LAPTM4A: variants seen among roughly 807,000 people sequenced by gnomAD.
The protein encoded by LAPTM4A is lysosomal-associated transmembrane protein 4A.
In LAPTM4A, 19 loss-of-function variants were observed where a neutral mutation model predicts 29.9. That is an observed-to-expected ratio of 0.64 (90% CI 0.44 to 0.93). LAPTM4A has a LOEUF of 0.93. Ranked by LOEUF, LAPTM4A falls within the 40% of genes least tolerant of loss-of-function variation. The pLI is 0.00. For synonymous variants in LAPTM4A, 105 were observed against 102.1 expected, an observed-to-expected ratio of 1.03 and a Z score of -0.17; for missense variants, 293 against 288.5, an observed-to-expected ratio of 1.02 and a Z score of -0.11.
intron 1 of LAPTM4A, among the ~76,000 whole-genome samples, chr2:20,044,974 C>T (rs911944710): frequency 5.3e-5 from 8 of 152,122 alleles, no homozygotes; most frequent in African/African-American, 1.4e-4. Context: ...GAACTCCTGG[C>T]CTCAAGTGAT....
intron 1 of LAPTM4A, 139 bp from the exon 2 acceptor site, chr2:20,041,150 A>T: frequency 1.5e-6 from 1 of 657,196 alleles, no homozygotes; most frequent in Admixed American, 3.0e-5. Flanking sequence ...ACTACCTGTG[A>T]GATAAAACAA....
intron 1 of LAPTM4A, among the ~76,000 whole-genome samples, chr2:20,046,892 C>T (rs1673936820): frequency 6.7e-6 from 1 of 148,922 alleles, no homozygotes; most frequent in African/African-American, 2.4e-5. Flanking sequence ...TCCCAAAATG[C>T]TGGGATTACA....
chr2:20,046,221 G>C (rs1039991233), intron 1 of LAPTM4A, among the ~76,000 whole-genome samples: 1 of 152,084 alleles, frequency 6.6e-6, no homozygotes, highest in African/African-American at 2.4e-5. Flanking sequence ...CTGGGGGAGG[G>C]ATAGCATTAG....
rs1165736331 is a variant in LAPTM4A, at chr2:20,037,303, C to A, written c.432+13G>T. ...ATGAAAAAAAAATAAGTTTAATGAGCATACACACTTACTAGTTGATCCAGA... is the reference window on the plus strand; with the variant it reads ...ATGAAAAAAAAATAAGTTTAATGAGAATACACACTTACTAGTTGATCCAGA... On this transcript the variant is annotated intron_variant, in intron 4 of 6. Transcript: ENST00000175091. The A allele has an allele frequency of 6.3e-7, 1 of 1,596,582 alleles. No homozygotes were observed. The highest frequency in any genetic ancestry group is 1.8e-5 in the Admixed American group (1 of 56,230).
chr2:20,050,876 A>T (rs1166987040), intron 1 of LAPTM4A, among the ~76,000 whole-genome samples: 1 of 152,264 alleles, frequency 6.6e-6, no homozygotes, highest in African/African-American at 2.4e-5. Context: ...CAAGAGAGGC[A>T]TGAAACAAAA....
At chr2:20,034,266 G>C (rs368960191) in intron 6 of LAPTM4A, 51 bp downstream of exon 6, 266 of 1,212,572 alleles carry the variant, frequency 2.2e-4, no homozygotes, top group Middle Eastern at 3.7e-4. Flanking sequence ...TCTTCTCCTG[G>C]AACAGTCAAT....
At chr2:20,036,084 A>C (rs187731924) in intron 4 of LAPTM4A, among the ~76,000 whole-genome samples, 24 of 152,186 alleles carry the variant, frequency 1.6e-4, no homozygotes, top group Non-Finnish European at 2.8e-4. Context: ...ATGCTATGCT[A>C]AGGGTTTTAC....
chr2:20,042,989 G>C (rs1224708889), intron 1 of LAPTM4A, among the ~76,000 whole-genome samples: 1 of 152,144 alleles, frequency 6.6e-6, no homozygotes. Flanking sequence ...GCCCAGGCTG[G>C]AGTGCAGTAG....
intron 1 of LAPTM4A, among the ~76,000 whole-genome samples, chr2:20,048,742 C>G (rs938790959): frequency 6.6e-6 from 1 of 152,178 alleles, no homozygotes; most frequent in African/African-American, 2.4e-5. Flanking sequence ...AGTACCTTGA[C>G]AAGGTAGGTA....
intron 1 of LAPTM4A, among the ~76,000 whole-genome samples, chr2:20,042,819 G>T (rs1199059668): frequency 6.6e-6 from 1 of 152,202 alleles, no homozygotes; most frequent in Non-Finnish European, 1.5e-5. Context: ...GAAATCTCAC[G>T]TAGGATTGGA....
chr2:20,041,966 T>C (rs1002104385), intron 1 of LAPTM4A, among the ~76,000 whole-genome samples: 1 of 152,264 alleles, frequency 6.6e-6, no homozygotes, highest in African/African-American at 2.4e-5. Flanking sequence ...GACTAGCATG[T>C]TTCCTAGCTA....
chr2:20,033,394 A>C (rs764403635), intron 6 of LAPTM4A, 115 bp from the exon 7 acceptor site: 21 of 778,924 alleles, frequency 2.7e-5, no homozygotes, highest in Non-Finnish European at 4.4e-5. Flanking sequence ...CATAAAGAAG[A>C]GCTGAAGAAA....
chr2:20,036,130 C>T (rs1020153906), intron 4 of LAPTM4A, among the ~76,000 whole-genome samples: 1 of 152,150 alleles, frequency 6.6e-6, no homozygotes, highest in Non-Finnish European at 1.5e-5. Flanking sequence ...AAATTTCTCC[C>T]CCGGAGATGA....
intron 2 of LAPTM4A, among the ~76,000 whole-genome samples, chr2:20,038,291 G>A (rs973035077): frequency 2.0e-5 from 3 of 152,102 alleles, no homozygotes; most frequent in Non-Finnish European, 4.4e-5. Flanking sequence ...TCCTCAGGTT[G>A]TTCCAACTCT....
intron 1 of LAPTM4A, among the ~76,000 whole-genome samples, chr2:20,043,748 C>T (rs1215329653): frequency 1.3e-5 from 2 of 152,130 alleles, no homozygotes; most frequent in South Asian, 2.1e-4. Context: ...TGTGTATTTA[C>T]GTGTATTACT....
At chr2:20,042,922 G>C (rs960582030) in intron 1 of LAPTM4A, among the ~76,000 whole-genome samples, 1 of 152,166 alleles carries the variant, frequency 6.6e-6, no homozygotes, top group African/African-American at 2.4e-5. Flanking sequence ...CAAGGGTTAA[G>C]TTCCTATCAG....
rs1234715681 is a variant in LAPTM4A, at chr2:20,051,452, G to A, written c.69C>T (p.Cys23=). 11 of 1,613,296 alleles carry A rather than the reference G, an allele frequency of 6.8e-6. No homozygotes were observed. The highest frequency in any genetic ancestry group is 1.3e-5 in the African/African-American group (1 of 75,010). The change falls in exon 1 of 7, where the codon TGC becomes TGT. Residue 23 remains cysteine (C), a synonymous_variant. Coordinates refer to ENST00000175091, the MANE Select transcript of LAPTM4A (RefSeq NM_014713.5). The part of the protein sequence containing the change: ...RFYSTRCCGC[C]HVRTGTIILG... ...GGATGATCGTCCCGGTGCGGACATG[G>A]CAACAGCCGCAGCACCGGGTGCTGT...
intron 6 of LAPTM4A, among the ~76,000 whole-genome samples, 164 bp from the exon 7 acceptor site, chr2:20,033,443 C>T (rs900626161): frequency 6.6e-6 from 1 of 152,080 alleles, no homozygotes; most frequent in Non-Finnish European, 1.5e-5. Context: ...GCCTCAATAA[C>T]CTGGAATTTT....
At chr2:20,048,689 C>A (rs1179354278) in intron 1 of LAPTM4A, among the ~76,000 whole-genome samples, 1 of 152,166 alleles carries the variant, frequency 6.6e-6, no homozygotes, top group Non-Finnish European at 1.5e-5. Context: ...AAATATTCTC[C>A]CATGCAGACT....
Sources: allele counts gnomAD v4.1 joint callset (sites outside exome capture counted in the v4.1 genomes callset), GRCh38; gene constraint gnomAD v4.1.1; transcripts MANE v1.5; gene names NCBI Gene and HGNC (gene_info 2026-07-23, HGNC 2026-07-21).